ASTN2: variants seen among roughly 807,000 people sequenced by gnomAD.
The protein encoded by ASTN2 is astrotactin-2.
ASTN2 carries 54 observed loss-of-function variants against 139.8 expected under a neutral mutation model. The observed-to-expected ratio is 0.39, with a 90% CI of 0.31 to 0.48. The LOEUF (loss-of-function observed/expected upper bound fraction) is 0.48, where lower values mean the gene tolerates loss of function less well. Among genes scored for constraint, ASTN2 ranks in the 20% least tolerant of loss-of-function variants. The probability of loss-of-function intolerance (pLI) is 0.95; values close to 1 mark genes in which losing one functional copy is unlikely to be tolerated. For missense variants in ASTN2, 1,565 were observed against 1,725.1 expected (o/e 0.91, Z 1.64); for synonymous variants, 756 against 719.5 (o/e 1.05, Z -0.81).
At chr9:116,582,265 C>T (rs1227269336) in intron 19 of ASTN2, 9 of 152,184 alleles carry the variant, frequency 5.9e-5, no homozygotes, top group African/African-American at 2.2e-4. Flanking sequence ...GGACTAGCAG[C>T]TCTAAGGTTT....
chr9:116,553,383 C>A (rs1852443738), intron 19 of ASTN2, among the ~76,000 whole-genome samples: 1 of 152,184 alleles, frequency 6.6e-6, no homozygotes, highest in Non-Finnish European at 1.5e-5. Context: ...GCCCAGTGGT[C>A]ACTGCTTGTT....
At chr9:116,885,992 G>T (rs1262066683) in intron 10 of ASTN2, among the ~76,000 whole-genome samples, 1 of 152,198 alleles carries the variant, frequency 6.6e-6, no homozygotes, top group Admixed American at 6.5e-5. Context: ...TATGTCAAAG[G>T]GGCAGGTGGG....
intron 22 of ASTN2, among the ~76,000 whole-genome samples, chr9:116,427,018 C>T (rs1847330118): frequency 6.6e-6 from 1 of 152,098 alleles, no homozygotes; most frequent in African/African-American, 2.4e-5. Context: ...TTATCTAGAG[C>T]CCTATATCCA....
At chr9:117,278,638 G>A (rs1037489389) in intron 2 of ASTN2, among the ~76,000 whole-genome samples, 1 of 152,210 alleles carries the variant, frequency 6.6e-6, no homozygotes, top group Non-Finnish European at 1.5e-5. Flanking sequence ...TTAATGTTAT[G>A]TCTCATCAGG....
At chr9:116,964,216 G>GGTGTGTGTGTGTGT (rs56209166) in intron 10 of ASTN2, among the ~76,000 whole-genome samples, 2 of 140,812 alleles carry the variant, frequency 1.4e-5, no homozygotes, top group African/African-American at 2.7e-5. Flanking sequence ...ACTGCCCTGG[G>GGTGTGTGTGTGTGT]GTGTGTGTGT....
At chr9:117,208,606 G>A (rs1056768898) in intron 3 of ASTN2, among the ~76,000 whole-genome samples, 2 of 152,134 alleles carry the variant, frequency 1.3e-5, no homozygotes, top group Non-Finnish European at 2.9e-5. Context: ...ATATTCCAAC[G>A]TCTTGGGAGA....
chr9:116,953,393 C>T (rs2132490172), intron 10 of ASTN2, among the ~76,000 whole-genome samples: 1 of 152,274 alleles, frequency 6.6e-6, no homozygotes, highest in Non-Finnish European at 1.5e-5. Context: ...ACATTCTAGC[C>T]AAGCCAATTT....
intron 1 of ASTN2, among the ~76,000 whole-genome samples, chr9:117,346,253 G>C (rs975735414): frequency 6.6e-6 from 1 of 152,056 alleles, no homozygotes; most frequent in Non-Finnish European, 1.5e-5. Flanking sequence ...TCAAGGTAAG[G>C]CATAGAACAC....
intron 16 of ASTN2, among the ~76,000 whole-genome samples, chr9:116,693,553 C>G (rs1457329045): frequency 1.3e-5 from 2 of 152,032 alleles, no homozygotes; most frequent in Non-Finnish European, 2.9e-5. Context: ...ATGGGATGTA[C>G]AGTATTAATC....
intron 5 of ASTN2, among the ~76,000 whole-genome samples, chr9:117,055,587 A>C (rs1037098885): frequency 1.3e-5 from 2 of 152,240 alleles, no homozygotes; most frequent in Admixed American, 1.3e-4. Context: ...GAGCAAAGGC[A>C]ATCTATAAGA....
At chr9:116,434,583 C>T (rs1847591996) in intron 22 of ASTN2, among the ~76,000 whole-genome samples, 2 of 152,334 alleles carry the variant, frequency 1.3e-5, no homozygotes, top group South Asian at 2.1e-4. Context: ...CCAGATAGAT[C>T]AATTTCACTG....
intron 10 of ASTN2, among the ~76,000 whole-genome samples, chr9:116,901,062 G>T (rs988724370): frequency 6.6e-6 from 1 of 151,322 alleles, no homozygotes; most frequent in Non-Finnish European, 1.5e-5. Context: ...CCTAAATTCC[G>T]ACTCCAAATC....
chr9:117,042,475 A>G (rs1391512276), intron 5 of ASTN2, among the ~76,000 whole-genome samples: 1 of 152,168 alleles, frequency 6.6e-6, no homozygotes, highest in East Asian at 1.9e-4. Flanking sequence ...GTAGTTTTAG[A>G]ATAAATGTTA....
At chr9:116,506,010 T>C (rs575964672) in intron 19 of ASTN2, among the ~76,000 whole-genome samples, 2 of 152,346 alleles carry the variant, frequency 1.3e-5, no homozygotes, top group Middle Eastern at 3.4e-3. Context: ...CCTATTTTTC[T>C]TTCAAACACA....
intron 2 of ASTN2, among the ~76,000 whole-genome samples, chr9:117,216,576 T>C (rs1305229007): frequency 2.0e-5 from 3 of 152,238 alleles, no homozygotes; most frequent in African/African-American, 7.2e-5. Flanking sequence ...TATGTGTAAA[T>C]GCATGTGTAT....
chr9:116,490,937 T>C (rs1281933489), intron 19 of ASTN2, among the ~76,000 whole-genome samples: 6 of 152,328 alleles, frequency 3.9e-5, no homozygotes, highest in African/African-American at 1.4e-4. Context: ...ATGGCTGATA[T>C]TCATTTTCAA....
chr9:117,029,918 A>G (rs1238251259), intron 6 of ASTN2, among the ~76,000 whole-genome samples: 1 of 152,026 alleles, frequency 6.6e-6, no homozygotes, highest in Admixed American at 6.6e-5. Context: ...AAGTCACAAC[A>G]TTCTCATAAT....
chr9:117,228,237 G>C (rs1308941833), intron 2 of ASTN2, among the ~76,000 whole-genome samples: 1 of 151,902 alleles, frequency 6.6e-6, no homozygotes, highest in Non-Finnish European at 1.5e-5. Flanking sequence ...TTAAAGAGAG[G>C]GACTCCAAAA....
intron 4 of ASTN2, among the ~76,000 whole-genome samples, chr9:117,117,400 A>G (rs985764388): frequency 1.4e-4 from 6 of 43,552 alleles, no homozygotes; most frequent in African/African-American, 3.4e-4. Flanking sequence ...AAGAAAGAGA[A>G]AAAAAAAAAA....
Sources: gnomAD v4.1 joint callset for allele counts (sites outside exome capture counted in the v4.1 genomes callset) on GRCh38, gnomAD v4.1.1 for gene constraint, MANE v1.5 for transcripts, NCBI Gene and HGNC (gene_info 2026-07-23, HGNC 2026-07-21) for gene names.